Variants in STRBP observed in about 807,000 individuals in gnomAD.
STRBP encodes spermatid perinuclear RNA binding protein.
STRBP carries 13 observed loss-of-function variants against 80.1 expected under a neutral mutation model. That is an observed-to-expected ratio of 0.16 (90% CI 0.11 to 0.26). STRBP has a LOEUF of 0.26. Among genes scored for constraint, STRBP ranks in the 10% least tolerant of loss-of-function variants. STRBP has a pLI of 1.00. For synonymous variants in STRBP, 284 were observed against 291.2 expected (o/e 0.98, Z 0.25); for missense variants, 485 against 815.2 (o/e 0.59, Z 4.93).
intron 6 of STRBP, among the ~76,000 whole-genome samples, chr9:123,163,072 T>C (rs1326228462): frequency 4.6e-5 from 7 of 152,218 alleles, no homozygotes; most frequent in Non-Finnish European, 8.8e-5. Context: ...TTTTAAGATG[T>C]CAATTTTTAA....
intron 17 of STRBP, among the ~76,000 whole-genome samples, chr9:123,132,452 A>G (rs962155752): frequency 2.0e-5 from 3 of 152,170 alleles, no homozygotes; most frequent in African/African-American, 7.2e-5. Flanking sequence ...TTTAACAAAC[A>G]CTAATAATGC....
At chr9:123,158,541 G>A in intron 9 of STRBP, 112 bp from the exon 10 acceptor site, 1 of 864,128 alleles carries the variant, frequency 1.2e-6, no homozygotes, top group Non-Finnish European at 1.8e-6. Flanking sequence ...AAAAAAAACT[G>A]AGGAACTAAG....
chr9:123,248,914 C>T (rs1022197363), intron 1 of STRBP, among the ~76,000 whole-genome samples: 1 of 152,218 alleles, frequency 6.6e-6, no homozygotes, highest in African/African-American at 2.4e-5. Context: ...TAATTCATAT[C>T]TTTAGCAGTA....
intron 2 of STRBP, among the ~76,000 whole-genome samples, chr9:123,233,996 T>A (rs138875720): frequency 9.2e-5 from 14 of 151,854 alleles, no homozygotes; most frequent in Admixed American, 2.6e-4. Flanking sequence ...GTCAGGAGAT[T>A]GAGACCATCC....
intron 2 of STRBP, among the ~76,000 whole-genome samples, chr9:123,225,657 T>C (rs2040212086): frequency 6.6e-6 from 1 of 152,148 alleles, no homozygotes; most frequent in Non-Finnish European, 1.5e-5. Context: ...CTACCTACAG[T>C]GTCTAGCACC....
chr9:123,115,339 G>A lies in STRBP; in HGVS notation c.*84+590C>T, dbSNP rs796332544. 1.9e-5 allele frequency: 9 copies of A among 470,918 alleles called. No individual in the cohort carries two copies. The highest frequency in any genetic ancestry group is 6.0e-5 in the African/African-American group (3 of 50,064). The allele number at this position is 470,918 out of a possible 1,614,324, so 29.2% of individuals were successfully genotyped here. A position where few individuals can be genotyped will look rare whatever the true frequency, so the allele number is the denominator to read the frequency against. On this transcript the variant is annotated intron_variant and NMD_transcript_variant, in intron 3 of 3. Transcript: ENST00000471564. This position sits in a 1 kb window ranked among gnomAD's most constrained non-coding sequence, Gnocchi z 5.0. ...GAGGCCTGGCTCCTCTCCTGCCCTC[G>A]GCGGGAGACCTGGGAACGGGCCTGC...
intron 1 of STRBP, among the ~76,000 whole-genome samples, chr9:123,252,575 G>T (rs2040939570): frequency 6.6e-6 from 1 of 152,192 alleles, no homozygotes; most frequent in African/African-American, 2.4e-5. Flanking sequence ...GTTTTTAAAA[G>T]CTTAAAATCC....
intron 2 of STRBP, among the ~76,000 whole-genome samples, chr9:123,203,962 ACT>A (rs371674847): frequency 1.3e-5 from 2 of 150,078 alleles, no homozygotes; most frequent in African/African-American, 5.0e-5. Flanking sequence ...ACAGAGCAAG[ACT>A]CTGTCTCAAA....
chr9:123,140,896 T>C (rs1306647302), intron 13 of STRBP, among the ~76,000 whole-genome samples: 2 of 152,236 alleles, frequency 1.3e-5, no homozygotes, highest in Non-Finnish European at 2.9e-5. Flanking sequence ...TTCCTGATTA[T>C]ACTGCTTTTT....
In STRBP at chr9:123,157,005, A is replaced by G. The variant is rs144759327; in HGVS notation, c.1045+1007T>C. Among the ~76,000 whole-genome samples the G allele has an allele frequency of 1.7e-4, 26 of 152,292 alleles. 1 individual carries two copies. In the East Asian group the frequency reaches 5.0e-3, roughly 29 times the overall value. On this transcript the variant is annotated intron_variant, in intron 11 of 18. Coordinates refer to ENST00000348403, the MANE Select transcript of STRBP (RefSeq NM_018387.5). ...TCCACTGTATTCTAGGCAACAAGTC[A>G]GGCATTTTAACCGGACAAGAGTCAA...
chr9:123,111,322 G>A (rs2132272285), intron 3 of STRBP: 1 of 257,482 alleles, frequency 3.9e-6, no homozygotes, highest in Middle Eastern at 1.5e-3. Context: ...GGAAACCTAA[G>A]ACACGACTTG....
intron 2 of STRBP, among the ~76,000 whole-genome samples, chr9:123,229,160 G>C (rs2040328112): frequency 6.6e-6 from 1 of 152,216 alleles, no homozygotes; most frequent in Non-Finnish European, 1.5e-5. Context: ...AAGTAGATTA[G>C]TAGCTGCCAG....
chr9:123,123,047 C>T lies in STRBP; in HGVS notation c.*2550G>A, dbSNP rs2035783526. On this transcript the variant is annotated 3_prime_UTR_variant, in exon 19 of 19. Coordinates refer to ENST00000348403, the MANE Select transcript of STRBP (RefSeq NM_018387.5). ...AGTGGAGTGTCTGAAAGCTGGATAG[C>T]CTCAGGGTGTCACATTGCTCTTAAG... 1.0e-6 allele frequency: 1 copy of T among 985,416 alleles called. No homozygotes were observed. Among genetic ancestry groups the T allele is most frequent in the South Asian group, 4.7e-5 (1 of 21,282 alleles). 61.0% of individuals were successfully genotyped at this position (985,416 alleles called of 1,614,324 possible). A position where few individuals can be genotyped will look rare whatever the true frequency, so the allele number is the denominator to read the frequency against.
intron 7 of STRBP, 151 bp downstream of exon 7, chr9:123,160,826 T>A: frequency 1.6e-6 from 1 of 623,216 alleles, no homozygotes; most frequent in South Asian, 2.2e-5. Context: ...TAGGCACATA[T>A]CTAAATTAAC....
intron 1 of STRBP, among the ~76,000 whole-genome samples, chr9:123,261,529 CAAT>C (rs1188186906): frequency 6.6e-6 from 1 of 152,102 alleles, no homozygotes; most frequent in African/African-American, 2.4e-5. Context: ...AATAAAGGAA[CAAT>C]AATACTGACC....
At chr9:123,182,748 C>T (rs1219302327) in intron 3 of STRBP, among the ~76,000 whole-genome samples, 1 of 152,146 alleles carries the variant, frequency 6.6e-6, no homozygotes, top group African/African-American at 2.4e-5. Flanking sequence ...GTGCCTCACG[C>T]CTATAATCCC....
intron 3 of STRBP, among the ~76,000 whole-genome samples, chr9:123,181,800 CAAAAAAAAAAAAAAAAAAAA>C (rs56785428): frequency 2.8e-3 from 71 of 25,778 alleles, no homozygotes; most frequent in South Asian, 0.011. Context: ...AACTTCGTCT[CAAAAAAAAAAAAAAAAAAAA>C]AAAAAAAAAA....
At chr9:123,210,080 T>C (rs1195294886) in intron 2 of STRBP, among the ~76,000 whole-genome samples, 1 of 152,240 alleles carries the variant, frequency 6.6e-6, no homozygotes, top group Non-Finnish European at 1.5e-5. Flanking sequence ...TAGTTATATA[T>C]ATTGGTATAT....
rs748572630 is a variant in STRBP at position 123,125,645 on chromosome 9, G to A, written c.1971C>T (p.Pro657=). Residue 657 remains proline, a synonymous_variant, in exon 19 of 19, where the codon CCC becomes CCT. Coordinates refer to ENST00000348403, the MANE Select transcript of STRBP (RefSeq NM_018387.5). ...CAGGATATGTTGGAAATTTCATAAC[G>A]GGTAACAGAACCATTCTCTTGGGTA... ...YGLPKRMVLL[P]VMKFPTYPVP... is the part of the protein sequence containing the mutation. 1.6e-5 allele frequency: 26 copies of A among 1,613,270 alleles called. 1 individual carries two copies. Among genetic ancestry groups the A allele is most frequent in the African/African-American group, 1.1e-4 (8 of 74,856 alleles).
Sources: allele counts gnomAD v4.1 joint callset (sites outside exome capture counted in the v4.1 genomes callset), GRCh38; gene constraint gnomAD v4.1.1; non-coding constraint Gnocchi (gnomAD v3.1); transcripts MANE v1.5; gene names NCBI Gene and HGNC (gene_info 2026-07-23, HGNC 2026-07-21).